NPAS3: variants seen among roughly 807,000 people sequenced by gnomAD.
The protein encoded by NPAS3 is neuronal PAS domain-containing protein 3.
In NPAS3, 14 loss-of-function variants were observed where a neutral mutation model predicts 73.1. The observed-to-expected ratio is 0.19, with a 90% CI of 0.13 to 0.30. NPAS3 has a LOEUF of 0.30. Ranked by LOEUF, NPAS3 falls within the 10% of genes least tolerant of loss-of-function variation. NPAS3 has a pLI of 1.00. For missense variants in NPAS3, 1,096 were observed against 1,250.0 expected, an observed-to-expected ratio of 0.88 and a Z score of 1.86; for synonymous variants, 620 against 541.5, an observed-to-expected ratio of 1.14 and a Z score of -2.01.
intron 5 of NPAS3, among the ~76,000 whole-genome samples, chr14:33,615,879 C>T (rs1161228589): frequency 2.0e-5 from 3 of 152,096 alleles, no homozygotes; most frequent in East Asian, 1.9e-4. Flanking sequence ...GAAAAATACC[C>T]GAGGCAAAAA....
chr14:33,651,546 T>G (rs1375517852), intron 5 of NPAS3, among the ~76,000 whole-genome samples: 1 of 152,038 alleles, frequency 6.6e-6, no homozygotes, highest in Non-Finnish European at 1.5e-5. Flanking sequence ...AATTATATAT[T>G]AAAAAAACCC....
chr14:33,375,673 C>T (rs1325977953), intron 4 of NPAS3, among the ~76,000 whole-genome samples: 2 of 152,132 alleles, frequency 1.3e-5, no homozygotes, highest in African/African-American at 4.8e-5. Flanking sequence ...GTCTGTTGTT[C>T]ACCTCTCCTA....
intron 3 of NPAS3, among the ~76,000 whole-genome samples, chr14:33,364,666 C>T (rs558380640): frequency 6.6e-6 from 1 of 152,244 alleles, no homozygotes; most frequent in East Asian, 1.9e-4. Flanking sequence ...AATAACTATA[C>T]AGATAGAACT....
chr14:33,620,205 T>A (rs1399842039), intron 5 of NPAS3, among the ~76,000 whole-genome samples: 1 of 152,208 alleles, frequency 6.6e-6, no homozygotes, highest in Non-Finnish European at 1.5e-5. Flanking sequence ...TAATTTAGTA[T>A]GTTGTAAATC....
In NPAS3 at chr14:33,680,892, T is replaced by G. The variant is rs2059916913; in HGVS notation, c.733+4507T>G. On this transcript the variant is annotated intron_variant, in intron 6 of 11. Transcript: ENST00000356141. ...GTTTTGTCTAAATTTTCAGGCAAAATCTAGCCTGTTTTGTGGCATTAGGAT... is the reference window on the plus strand; with the variant it reads ...GTTTTGTCTAAATTTTCAGGCAAAAGCTAGCCTGTTTTGTGGCATTAGGAT... 4 of 495,660 alleles carry G rather than the reference T, an allele frequency of 8.1e-6. No homozygotes were observed. In the South Asian group the frequency reaches 1.3e-4, roughly 16 times the overall value. The allele number at this position is 495,660 out of a possible 1,614,324, so 30.7% of individuals were successfully genotyped here. A position where few individuals can be genotyped will look rare whatever the true frequency, so the allele number is the denominator to read the frequency against.
chr14:32,991,363 G>A (rs2038326705), intron 1 of NPAS3, among the ~76,000 whole-genome samples: 1 of 152,038 alleles, frequency 6.6e-6, no homozygotes, highest in Admixed American at 6.6e-5. Flanking sequence ...GATTCTCAAG[G>A]GATACCTGGC....
At chr14:33,479,959 T>G (rs1299187603) in intron 4 of NPAS3, among the ~76,000 whole-genome samples, 1 of 152,154 alleles carries the variant, frequency 6.6e-6, no homozygotes. Context: ...TTATCAAAAT[T>G]ATCCTTGTTT....
intron 2 of NPAS3, among the ~76,000 whole-genome samples, chr14:33,066,321 T>A (rs2041278098): frequency 1.3e-5 from 2 of 152,222 alleles, no homozygotes; most frequent in African/African-American, 4.8e-5. Flanking sequence ...ATTCCTGAAC[T>A]CTTGTAAAAT....
At chr14:33,658,720 C>A (rs1203374353) in intron 5 of NPAS3, among the ~76,000 whole-genome samples, 2 of 152,130 alleles carry the variant, frequency 1.3e-5, no homozygotes, top group Non-Finnish European at 2.9e-5. Context: ...CCACACTGTT[C>A]ATTAGAGATG....
intron 2 of NPAS3, among the ~76,000 whole-genome samples, chr14:33,093,797 G>T (rs983742209): frequency 6.6e-6 from 1 of 152,082 alleles, no homozygotes; most frequent in Admixed American, 6.6e-5. Context: ...CTACAAAAAA[G>T]GATGAGTTTT....
At chr14:33,680,126 C>A (rs1209329610) in intron 6 of NPAS3, among the ~76,000 whole-genome samples, 1 of 152,144 alleles carries the variant, frequency 6.6e-6, no homozygotes, top group African/African-American at 2.4e-5. Flanking sequence ...TGCAGATCTA[C>A]TTGTGCCTTT....
At chr14:32,982,547 G>A (rs562957970) in intron 1 of NPAS3, among the ~76,000 whole-genome samples, 58 of 150,946 alleles carry the variant, frequency 3.8e-4, no homozygotes, top group African/African-American at 1.2e-3. Context: ...TCATCTCTAC[G>A]AAAAGAAAAA....
intron 2 of NPAS3, among the ~76,000 whole-genome samples, chr14:33,170,691 G>C (rs922390425): frequency 1.3e-5 from 2 of 152,112 alleles, no homozygotes; most frequent in African/African-American, 4.8e-5. Context: ...CAAGAAACAA[G>C]TTTCTTTGCT....
At chr14:33,462,433 A>G (rs113082924) in intron 4 of NPAS3, among the ~76,000 whole-genome samples, 515 of 152,260 alleles carry the variant, frequency 3.4e-3, no homozygotes, top group African/African-American at 0.012. Flanking sequence ...AGTGGAAATG[A>G]CATGTTTCCT....
intron 4 of NPAS3, among the ~76,000 whole-genome samples, chr14:33,384,794 T>C (rs1008753030): frequency 6.6e-6 from 1 of 152,218 alleles, no homozygotes; most frequent in African/African-American, 2.4e-5. Context: ...ATCTATTTTA[T>C]GTTCTCAGAA....
chr14:32,940,521 G>C (rs2035946586), intron 1 of NPAS3, among the ~76,000 whole-genome samples: 1 of 152,166 alleles, frequency 6.6e-6, no homozygotes, highest in Admixed American at 6.5e-5. Context: ...AAGAGGAAAG[G>C]CGCAGTAGGA....
At chr14:33,797,506 C>T (rs1240115304) in exon 11 of NPAS3, 2 of 1,614,188 alleles carry the variant, frequency 1.2e-6, no homozygotes. Context: ...GCTCCCCCAT[C>T]TGCCGGAGAA....
In NPAS3 at chr14:33,194,737, A is replaced by G. The variant is rs1358845910; in HGVS notation, c.141-20445A>G. Among the ~76,000 whole-genome samples, 3 of 152,292 alleles carry G rather than the reference A, an allele frequency of 2.0e-5. No individual in the cohort carries two copies. In the East Asian group the frequency reaches 5.8e-4, roughly 29 times the overall value. ...GTCAGGTCTCTCTGAATAAGTAAAAAAGGCATGAGTCACTTGGTGGAATGT... is the reference window on the plus strand; with the variant it reads ...GTCAGGTCTCTCTGAATAAGTAAAAGAGGCATGAGTCACTTGGTGGAATGT... On this transcript the variant is annotated intron_variant, in intron 2 of 11. Coordinates refer to ENST00000356141, the Ensembl canonical transcript of NPAS3.
chr14:33,280,803 G>A (rs146251641), intron 3 of NPAS3, among the ~76,000 whole-genome samples: 131 of 152,258 alleles, frequency 8.6e-4, no homozygotes, highest in African/African-American at 2.8e-3. Context: ...TCTTCTTTAC[G>A]TGGGTGGTTG....
Sources: gnomAD v4.1 joint callset for allele counts (sites outside exome capture counted in the v4.1 genomes callset) on GRCh38, gnomAD v4.1.1 for gene constraint, MANE v1.5 for transcripts, NCBI Gene and HGNC (gene_info 2026-07-23, HGNC 2026-07-21) for gene names.